The following ELF4 variants were observed in gnomAD, a reference collection of about 807,000 sequenced individuals.
ELF4 encodes E74 like ETS transcription factor 4, also known as ETS-related transcription factor Elf-4.
A neutral mutation model predicts 31.7 loss-of-function variants in ELF4; 10 were observed. The ratio of observed to expected loss-of-function variants is 0.32; its 90% CI spans 0.19 to 0.54. ELF4 has a LOEUF of 0.54. ELF4 is among the 20% of genes least tolerant of loss of function. The pLI is 0.95. For synonymous variants in ELF4, 208 were observed against 226.7 expected (o/e 0.92, Z 0.74); for missense variants, 418 against 522.0 (o/e 0.80, Z 1.94).
chrX:130,075,125 T>C (rs1332172281), intron 2 of ELF4, among the ~76,000 whole-genome samples: 1 of 109,564 alleles, frequency 9.1e-6, no homozygotes, highest in Non-Finnish European at 1.9e-5. Flanking sequence ...TGTGCCACCA[T>C]GCCTGGCTAA....
In ELF4 at chrX:130,107,632, T is replaced by C. The variant is rs141380143; in HGVS notation, c.-210+2693A>G. Among the ~76,000 whole-genome samples, 719 of 112,520 alleles carry C rather than the reference T, an allele frequency of 6.4e-3. 6 individuals are homozygous for C. Among genetic ancestry groups the C allele is most frequent in the African/African-American group, 0.022 (667 of 30,982 alleles). On this transcript the variant is annotated intron_variant, in intron 1 of 8. Transcript: ENST00000308167. ...CCATGTTTTCCTCACTGCCACTTCA[T>C]TGGGGTCTGGTACTAGGACCGGCTC...
intron 1 of ELF4, among the ~76,000 whole-genome samples, chrX:130,081,791 C>T (rs1435527285): frequency 1.8e-5 from 2 of 112,068 alleles, no homozygotes; most frequent in South Asian, 3.7e-4. Context: ...CCGTCTGGGT[C>T]ACCAGCATCG....
At chrX:130,086,209 G>A (rs1932957161) in intron 1 of ELF4, among the ~76,000 whole-genome samples, 1 of 112,270 alleles carries the variant, frequency 8.9e-6, no homozygotes, top group South Asian at 3.6e-4. Context: ...GGAAGAGGGA[G>A]GGAAAAAAGA....
At chrX:130,093,980 C>T (rs1236320457) in intron 1 of ELF4, among the ~76,000 whole-genome samples, 2 of 111,749 alleles carry the variant, frequency 1.8e-5, no homozygotes, top group Non-Finnish European at 3.8e-5. Context: ...ACCTGTAATC[C>T]CAACACTTTG....
intron 4 of ELF4, 39 bp from the exon 5 acceptor site, chrX:130,072,456 A>C (rs370199432): frequency 8.4e-7 from 1 of 1,197,130 alleles, no homozygotes; most frequent in African/African-American, 1.8e-5. Context: ...GGGCCCAGGC[A>C]GGGCTGGAGC....
Position 130,074,623 on chromosome X carries a change from T to A in ELF4, c.205A>T (p.Met69Leu), listed in dbSNP as rs1475125992. The A allele has an allele frequency of 1.7e-6, 2 of 1,209,875 alleles. No homozygotes were observed. The highest frequency in any genetic ancestry group is 3.5e-5 in the African/African-American group (2 of 57,063). ...NGIITDGTLC[M>L]TQDQILEGSF... ...CCTTCCAGGATCTGATCCTGCGTCA[T>A]GCACAAGGTCCCGTCTGTTATGATG... The change falls in exon 3 of 9, where the codon ATG (methionine) becomes TTG (leucine). Residue 69 changes from methionine to leucine, a missense_variant. This residue lies in a region of ELF4 where 35 missense variants were observed against 76.4 expected (regional missense o/e 0.46). Transcript: ENST00000308167.
intron 1 of ELF4, among the ~76,000 whole-genome samples, chrX:130,084,736 C>T (rs565570610): frequency 1.2e-4 from 13 of 111,883 alleles, no homozygotes; most frequent in African/African-American, 4.2e-4. Context: ...GAAAGTTTCC[C>T]CCTCCCCCTT....
intron 1 of ELF4, among the ~76,000 whole-genome samples, chrX:130,102,231 T>C (rs575035402): frequency 3.5e-5 from 4 of 113,036 alleles, no homozygotes; most frequent in African/African-American, 1.3e-4. Context: ...GAAAATGTTA[T>C]GGACAAGTCA....
intron 1 of ELF4, among the ~76,000 whole-genome samples, chrX:130,106,512 A>G (rs1933382053): frequency 9.0e-6 from 1 of 111,441 alleles, no homozygotes; most frequent in South Asian, 3.8e-4. Flanking sequence ...GGCCCGAGCT[A>G]CAGGGCATTA....
chrX:130,106,596 A>G (rs994448829), intron 1 of ELF4, among the ~76,000 whole-genome samples: 8 of 111,634 alleles, frequency 7.2e-5, no homozygotes, highest in African/African-American at 2.6e-4. Flanking sequence ...TGTTGATGAG[A>G]AAAGCCCCTG....
chrX:130,097,448 G>GAAAAGA (rs922412419), intron 1 of ELF4, among the ~76,000 whole-genome samples: 5 of 110,546 alleles, frequency 4.5e-5, no homozygotes, highest in Admixed American at 1.9e-4. Context: ...AAAAAGAAAA[G>GAAAAGA]AAAAGAAAAA....
chrX:130,111,530 T>A (rs1323990583), upstream of ELF4, among the ~76,000 whole-genome samples: 2 of 112,519 alleles, frequency 1.8e-5, no homozygotes, highest in Non-Finnish European at 3.8e-5. Flanking sequence ...CGCAGAATCC[T>A]GGGCGTAACA....
At chrX:130,090,612 C>G (rs1238253975) in intron 1 of ELF4, among the ~76,000 whole-genome samples, 1 of 111,178 alleles carries the variant, frequency 9.0e-6, no homozygotes, top group African/African-American at 3.3e-5. Flanking sequence ...TTCCTCCCCA[C>G]CTGGCACACT....
chrX:130,083,812 GTGGATGGC>G (rs1272103054), intron 1 of ELF4, among the ~76,000 whole-genome samples: 21 of 105,372 alleles, frequency 2.0e-4, no homozygotes, highest in African/African-American at 6.7e-4. Flanking sequence ...GGGTGGGTGG[GTGGATGGC>G]TGGATGGATG....
intron 1 of ELF4, among the ~76,000 whole-genome samples, chrX:130,089,509 C>CAAAAAAAAAAAAAA (rs777456574): frequency 5.1e-5 from 1 of 19,456 alleles, no homozygotes; most frequent in African/African-American, 2.9e-4. Flanking sequence ...GACCTCAGCT[C>CAAAAAAAAAAAAAA]AAAAAAAAAA....
intron 1 of ELF4, among the ~76,000 whole-genome samples, chrX:130,091,301 G>A (rs985943570): frequency 2.6e-4 from 29 of 109,678 alleles, no homozygotes; most frequent in Non-Finnish European, 1.5e-4. Context: ...GGTTGTGGGC[G>A]CCTGTAATCC....
At chrX:130,081,947 C>T (rs932763126) in intron 1 of ELF4, among the ~76,000 whole-genome samples, 2 of 111,885 alleles carry the variant, frequency 1.8e-5, no homozygotes, top group African/African-American at 6.5e-5. Flanking sequence ...GGCCTGGCCT[C>T]GTGGACGAGG....
chrX:130,110,020 G>A (rs1167379311), intron 1 of ELF4, among the ~76,000 whole-genome samples: 1 of 112,154 alleles, frequency 8.9e-6, no homozygotes, highest in African/African-American at 3.2e-5. Context: ...CCAGCTTCTG[G>A]GGGCCCGCTG....
At chrX:130,077,677 T>C (rs1481521961) in intron 2 of ELF4, among the ~76,000 whole-genome samples, 2 of 112,341 alleles carry the variant, frequency 1.8e-5, no homozygotes, top group Non-Finnish European at 3.8e-5. Context: ...CTCACTAGCA[T>C]TGTGACCTTG....
Sources: gnomAD v4.1 joint callset for allele counts (sites outside exome capture counted in the v4.1 genomes callset) on GRCh38, gnomAD v4.1.1 for gene constraint, gnomAD v4.1.1 regional missense constraint, MANE v1.5 for transcripts, NCBI Gene and HGNC (gene_info 2026-07-23, HGNC 2026-07-21) for gene names.